The following NEGR1 variants were observed in gnomAD, a reference collection of about 807,000 sequenced individuals.
The protein encoded by NEGR1 is neuronal growth regulator 1, also known as IgLON family member 4.
In NEGR1, 10 loss-of-function variants were observed where a neutral mutation model predicts 40.9. The observed-to-expected ratio is 0.24, with a 90% CI of 0.15 to 0.42. The LOEUF (loss-of-function observed/expected upper bound fraction) is 0.42, where lower values mean the gene tolerates loss of function less well. Among genes scored for constraint, NEGR1 ranks in the 10% least tolerant of loss-of-function variants. NEGR1 has a pLI of 1.00. For synonymous variants in NEGR1, 185 were observed against 166.8 expected (o/e 1.11, Z -0.84); for missense variants, 352 against 438.9 (o/e 0.80, Z 1.77).
intron 1 of NEGR1, among the ~76,000 whole-genome samples, chr1:72,270,476 A>G (rs1472936019): frequency 1.3e-5 from 2 of 151,900 alleles, no homozygotes; most frequent in East Asian, 1.9e-4. Context: ...CCAAGGAACC[A>G]TAAGAACATA....
At chr1:71,976,553 G>A (rs1037411311) in intron 1 of NEGR1, among the ~76,000 whole-genome samples, 5 of 152,122 alleles carry the variant, frequency 3.3e-5, no homozygotes, top group Admixed American at 6.5e-5. Flanking sequence ...ATAGGAGCTG[G>A]CAGAATTTTT....
chr1:71,574,918 C>G (rs939218549), intron 6 of NEGR1, among the ~76,000 whole-genome samples: 1 of 152,138 alleles, frequency 6.6e-6, no homozygotes, highest in Non-Finnish European at 1.5e-5. Context: ...ATTCTTAGGT[C>G]CCTATTCATT....
intron 6 of NEGR1, among the ~76,000 whole-genome samples, chr1:71,566,488 T>G (rs1352828240): frequency 3.3e-5 from 5 of 152,182 alleles, no homozygotes; most frequent in Admixed American, 3.3e-4. Flanking sequence ...ATCTTCTCAT[T>G]TATTCATAGA....
intron 3 of NEGR1, among the ~76,000 whole-genome samples, chr1:71,713,247 T>C (rs1425041013): frequency 1.3e-5 from 2 of 152,198 alleles, no homozygotes; most frequent in African/African-American, 2.4e-5. Context: ...GCCATATCGA[T>C]GTGTCTACTT....
At chr1:71,959,670 G>C (rs1249746564) in intron 1 of NEGR1, among the ~76,000 whole-genome samples, 2 of 151,934 alleles carry the variant, frequency 1.3e-5, no homozygotes, top group African/African-American at 4.8e-5. Context: ...TTCCCTGGTA[G>C]TTTCATTGCC....
chr1:72,078,271 A>G (rs1413911850), intron 1 of NEGR1, among the ~76,000 whole-genome samples: 1 of 152,214 alleles, frequency 6.6e-6, no homozygotes, highest in Non-Finnish European at 1.5e-5. Context: ...AAGCAGCTAT[A>G]GCACCGTAAT....
chr1:71,999,807 C>A (rs926221062), intron 1 of NEGR1, among the ~76,000 whole-genome samples: 2 of 150,570 alleles, frequency 1.3e-5, no homozygotes, highest in African/African-American at 2.4e-5. Context: ...AGGCATTGCA[C>A]TTAAAACCCA....
intron 2 of NEGR1, among the ~76,000 whole-genome samples, chr1:71,824,788 C>T (rs1658559312): frequency 6.6e-6 from 1 of 151,856 alleles, no homozygotes; most frequent in South Asian, 2.1e-4. Context: ...TTTTGCCCAC[C>T]AGAATGTCTG....
chr1:72,217,207 C>A (rs1051150373), intron 1 of NEGR1, among the ~76,000 whole-genome samples: 2 of 151,576 alleles, frequency 1.3e-5, no homozygotes, highest in Non-Finnish European at 3.0e-5. Context: ...ATTAATACAG[C>A]CCTTTGTTTA....
At chr1:71,511,175 G>A (rs1647070260) in intron 6 of NEGR1, among the ~76,000 whole-genome samples, 1 of 152,198 alleles carries the variant, frequency 6.6e-6, no homozygotes, top group African/African-American at 2.4e-5. Flanking sequence ...CCAGCATTCA[G>A]CATAATATGC....
chr1:72,258,356 G>C (rs1276449239), intron 1 of NEGR1, among the ~76,000 whole-genome samples: 1 of 152,048 alleles, frequency 6.6e-6, no homozygotes. Context: ...CCATGGAATG[G>C]GCTTTTAGAG....
At chr1:71,846,772 T>G (rs903394778) in intron 2 of NEGR1, among the ~76,000 whole-genome samples, 1 of 152,178 alleles carries the variant, frequency 6.6e-6, no homozygotes, top group Non-Finnish European at 1.5e-5. Context: ...AGTGCCTTCT[T>G]GCTGCATCCT....
At chr1:71,434,857 C>T (rs962232517) in intron 6 of NEGR1, among the ~76,000 whole-genome samples, 1 of 152,096 alleles carries the variant, frequency 6.6e-6, no homozygotes, top group Non-Finnish European at 1.5e-5. Flanking sequence ...TTTGGGAGGC[C>T]AAGGCGGGCG....
chr1:72,200,857 T>C (rs1436306472), intron 1 of NEGR1, among the ~76,000 whole-genome samples: 18 of 152,096 alleles, frequency 1.2e-4, no homozygotes, highest in Middle Eastern at 3.4e-3. Flanking sequence ...AGAAAGAGTG[T>C]ATTTTATTTT....
rs141251056 is a variant in NEGR1, at chr1:71,470,712, A to G, written c.941-63142T>C. ...CAGGGTTAAGAAGCATTGAACTAAC[A>G]CAGGCAGTGTTCAAACAATGTGTAA... On this transcript the variant is annotated intron_variant, in intron 6 of 6. Transcript: ENST00000357731. 1.6e-3 allele frequency among the ~76,000 whole-genome samples: 240 copies of G among 152,248 alleles called. 2 individuals carry two copies. Among genetic ancestry groups the G allele is most frequent in the African/African-American group, 5.3e-3 (222 of 41,574 alleles).
intron 1 of NEGR1, among the ~76,000 whole-genome samples, chr1:72,262,789 A>G (rs1655502997): frequency 6.6e-6 from 1 of 151,970 alleles, no homozygotes; most frequent in Admixed American, 6.6e-5. Context: ...ATGCTTTTTA[A>G]AGCAATCTCT....
intron 1 of NEGR1, among the ~76,000 whole-genome samples, chr1:72,225,127 T>C (rs1007507530): frequency 1.3e-5 from 2 of 151,962 alleles, no homozygotes; most frequent in African/African-American, 4.8e-5. Context: ...TGAATGCCCA[T>C]GTTTTTTTTC....
At chr1:72,135,449 T>G (rs1022409405) in intron 1 of NEGR1, among the ~76,000 whole-genome samples, 1 of 150,638 alleles carries the variant, frequency 6.6e-6, no homozygotes, top group Non-Finnish European at 1.5e-5. Context: ...AGAAATAACT[T>G]TCTTCCAGAC....
At chr1:71,517,360 T>C (rs1339690811) in intron 6 of NEGR1, among the ~76,000 whole-genome samples, 3 of 60,222 alleles carry the variant, frequency 5.0e-5, no homozygotes, top group Non-Finnish European at 9.3e-5. Context: ...CAGCAGCACA[T>C]CAAAAAGCTT....
Sources: allele counts gnomAD v4.1 joint callset (sites outside exome capture counted in the v4.1 genomes callset), GRCh38; gene constraint gnomAD v4.1.1; transcripts MANE v1.5; gene names NCBI Gene and HGNC (gene_info 2026-07-23, HGNC 2026-07-21).